The following NBAS variants were observed in gnomAD, a reference collection of about 807,000 sequenced individuals.
NBAS encodes the protein NAG/BC035112 fusion.
A neutral mutation model predicts 302.5 loss-of-function variants in NBAS; 219 were observed. That is an observed-to-expected ratio of 0.72 (90% CI 0.65 to 0.81). The LOEUF is 0.81. Ranked by LOEUF, NBAS falls within the 30% of genes least tolerant of loss-of-function variation. The probability of loss-of-function intolerance (pLI) is 0.00; values close to 1 mark genes in which losing one functional copy is unlikely to be tolerated. For missense variants in NBAS, 2,932 were observed against 2,841.6 expected (o/e 1.03, Z -0.72); for synonymous variants, 1,118 against 1,021.6 (o/e 1.09, Z -1.80).
intron 51 of NBAS, among the ~76,000 whole-genome samples, chr2:15,178,473 G>A (rs1664659125): frequency 6.6e-6 from 1 of 152,148 alleles, no homozygotes; most frequent in Admixed American, 6.5e-5. Context: ...ATCTCAAGTT[G>A]ACTCCAGTAC....
At chr2:15,351,859 GT>G in intron 35 of NBAS, 132 bp downstream of exon 35, 1 of 712,116 alleles carries the variant, frequency 1.4e-6, no homozygotes, top group South Asian at 1.5e-5. Flanking sequence ...GAAAAGAAAA[GT>G]GGTCTGCATG....
At chr2:15,559,341 T>C (rs1420191097) in intron 1 of NBAS, among the ~76,000 whole-genome samples, 1 of 152,210 alleles carries the variant, frequency 6.6e-6, no homozygotes, top group Non-Finnish European at 1.5e-5. Context: ...TGACTATCTG[T>C]TGTGTATCTA....
At chr2:15,285,233 TAATA>T (rs1669986025) in intron 42 of NBAS, among the ~76,000 whole-genome samples, 1 of 152,220 alleles carries the variant, frequency 6.6e-6, no homozygotes, top group African/African-American at 2.4e-5. Flanking sequence ...TCTAAGTGAT[TAATA>T]AAAATTAAAG....
At chr2:15,199,402 C>A (rs1665774872) in intron 48 of NBAS, among the ~76,000 whole-genome samples, 1 of 152,090 alleles carries the variant, frequency 6.6e-6, no homozygotes. Context: ...GAATCAAATT[C>A]TCTCTTTGCT....
At chr2:14,970,887 T>C in the NBAS span, among the ~76,000 whole-genome samples, 1 of 152,200 alleles carries the variant, frequency 6.6e-6, no homozygotes, top group East Asian at 1.9e-4. Context: ...GGATTTGTTG[T>C]TCCCTGCTTG....
At chr2:15,456,303 A>T (rs1463273407) in intron 21 of NBAS, among the ~76,000 whole-genome samples, 1 of 152,248 alleles carries the variant, frequency 6.6e-6, no homozygotes, top group Non-Finnish European at 1.5e-5. Context: ...TTAAATGCCA[A>T]GGCAAAAGTT....
At chr2:14,920,078 A>G in the NBAS span, among the ~76,000 whole-genome samples, 1 of 152,212 alleles carries the variant, frequency 6.6e-6, no homozygotes, top group Non-Finnish European at 1.5e-5. Context: ...GCCTTATGAA[A>G]TATATTTCCC....
intron 21 of NBAS, among the ~76,000 whole-genome samples, chr2:15,433,597 T>A (rs2148496055): frequency 6.6e-6 from 1 of 152,288 alleles, no homozygotes. Flanking sequence ...TTAACAGTAA[T>A]ATGAAAATGT....
At chr2:15,277,310 G>A (rs373587699) in intron 42 of NBAS, among the ~76,000 whole-genome samples, 5 of 152,114 alleles carry the variant, frequency 3.3e-5, no homozygotes, top group East Asian at 3.9e-4. Context: ...CTACACACTC[G>A]TCATGTTATC....
chr2:15,166,300 C>T (rs113717931), downstream of NBAS, among the ~76,000 whole-genome samples: 8 of 152,278 alleles, frequency 5.3e-5, no homozygotes, highest in African/African-American at 1.7e-4. Context: ...CCCCACCCAC[C>T]TGCCTATGTA....
chr2:14,821,636 G>A, the NBAS span, among the ~76,000 whole-genome samples: 1 of 152,126 alleles, frequency 6.6e-6, no homozygotes, highest in Non-Finnish European at 1.5e-5. Flanking sequence ...AAACAGCCAA[G>A]AAGAGAACAT....
the NBAS span, among the ~76,000 whole-genome samples, chr2:15,051,372 A>C: frequency 2.0e-5 from 3 of 152,194 alleles, no homozygotes; most frequent in Non-Finnish European, 4.4e-5. Flanking sequence ...CTGGTATTTC[A>C]TGAAGGTGCC....
At chr2:15,034,294 A>AAGAAAG in the NBAS span, among the ~76,000 whole-genome samples, 4 of 112,942 alleles carry the variant, frequency 3.5e-5, no homozygotes, top group South Asian at 2.8e-4. Flanking sequence ...GAAAGAAAGA[A>AAGAAAG]AGAAAGAAAG....
At chr2:15,469,960 C>T (rs1256487783) in intron 16 of NBAS, among the ~76,000 whole-genome samples, 2 of 151,752 alleles carry the variant, frequency 1.3e-5, no homozygotes, top group East Asian at 3.9e-4. Flanking sequence ...ACGTTGTGCA[C>T]ATGTACCCTA....
chr2:15,404,874 T>C (rs12692265), intron 25 of NBAS, among the ~76,000 whole-genome samples: 95,091 of 151,934 alleles, frequency 0.63, 30,520 homozygotes, highest in Middle Eastern at 0.69. Flanking sequence ...ATGTTCAAAC[T>C]TTACGTTGAG....
In NBAS at chr2:15,167,138, T is replaced by C; in HGVS notation, c.7026A>G (p.Glu2342=). 1.2e-6 allele frequency: 2 copies of C among 1,614,242 alleles called. No homozygotes were observed. Among genetic ancestry groups the C allele is most frequent in the Non-Finnish European group, 1.7e-6 (2 of 1,180,036 alleles). Reference sequence around the variant, plus strand: ...TCACGGCCAGAAGGAGAGACCCGGCTTCGGCTTCATGGCCGGCCTCCCGCA... The same window carrying C: ...TCACGGCCAGAAGGAGAGACCCGGCCTCGGCTTCATGGCCGGCCTCCCGCA... ...RHLREAGHEA[E]AGSLLLAVRG... Residue 2342 remains glutamate, a synonymous_variant, in exon 52 of 52, where the codon GAA becomes GAG. Transcript: ENST00000281513.
chr2:15,229,550 C>T (rs993998719), intron 47 of NBAS, among the ~76,000 whole-genome samples: 2 of 151,306 alleles, frequency 1.3e-5, no homozygotes, highest in Non-Finnish European at 2.9e-5. Context: ...GGGAGGCCGA[C>T]GTGGGTGGAT....
At chr2:14,989,322 T>C in the NBAS span, among the ~76,000 whole-genome samples, 1 of 151,902 alleles carries the variant, frequency 6.6e-6, no homozygotes, top group South Asian at 2.1e-4. Context: ...TGTGTGTGTA[T>C]AACTTTATAT....
At chr2:15,361,439 G>T (rs1316080380) in intron 32 of NBAS, among the ~76,000 whole-genome samples, 1 of 151,956 alleles carries the variant, frequency 6.6e-6, no homozygotes, top group African/African-American at 2.4e-5. Flanking sequence ...TTTGAACCCG[G>T]GAGGCAGAGG....
Sources: gnomAD v4.1 joint callset for allele counts (sites outside exome capture counted in the v4.1 genomes callset) on GRCh38, gnomAD v4.1.1 for gene constraint, MANE v1.5 for transcripts, NCBI Gene and HGNC (gene_info 2026-07-23, HGNC 2026-07-21) for gene names.